NOC2L: variants seen among roughly 807,000 people sequenced by gnomAD.
NOC2L encodes nucleolar complex protein 2 homolog.
Under a neutral mutation model 94.2 loss-of-function variants are expected in NOC2L, and 101 were observed. The observed-to-expected ratio is 1.07, with a 90% CI of 0.91 to 1.26. The LOEUF is 1.26. NOC2L is among the 50% of genes most tolerant of loss of function. The pLI is 0.00. For synonymous variants in NOC2L, 531 were observed against 413.4 expected (o/e 1.28, Z -3.45); for missense variants, 1,076 against 980.1 (o/e 1.10, Z -1.31).
At chr1:954,348 CG>C (rs1444930669) in intron 6 of NOC2L, 4 of 439,342 alleles carry the variant, frequency 9.1e-6, no homozygotes, top group African/African-American at 4.0e-5. Context: ...TAAGAGTCCC[CG>C]GAAGTCCCAG....
chr1:947,584 C>G (rs994953360), intron 14 of NOC2L, among the ~76,000 whole-genome samples: 14 of 152,252 alleles, frequency 9.2e-5, no homozygotes, highest in African/African-American at 3.4e-4. Flanking sequence ...GCAAACAGAC[C>G]TCCCGTGGGG....
intron 14 of NOC2L, among the ~76,000 whole-genome samples, chr1:947,804 G>A (rs949695404): frequency 2.0e-5 from 3 of 152,214 alleles, no homozygotes; most frequent in African/African-American, 4.8e-5. Flanking sequence ...GGAAGTGTGC[G>A]ATCAGCGTAC....
At chr1:955,798 G>C in intron 6 of NOC2L, 125 bp downstream of exon 6, 1 of 838,644 alleles carries the variant, frequency 1.2e-6, no homozygotes, top group Non-Finnish European at 1.9e-6. Context: ...TGCCTTCTCA[G>C]GGTCCCCAAG....
At position 944,365 on chromosome 1, in the gene NOC2L, G is replaced by A. The variant is rs1198611888; in HGVS notation, c.*329C>T. ...TGCAGATGGACGAGGTCTGCAGACG[G>A]AGGGCAGAGGTGGTGGAAGGGGCCA... On this transcript the variant is annotated 3_prime_UTR_variant, in exon 19 of 19. Coordinates refer to ENST00000327044, the MANE Select transcript of NOC2L (RefSeq NM_015658.4). The A allele has an allele frequency of 6.6e-6, 9 of 1,359,644 alleles. No homozygotes were observed. Among genetic ancestry groups the A allele is most frequent in the East Asian group, 5.7e-5 (2 of 35,110 alleles). The allele number at this position is 1,359,644 out of a possible 1,614,324, so 84.2% of individuals were successfully genotyped here.
In NOC2L at chr1:946,427, A is replaced by C. The variant is rs746597529; in HGVS notation, c.1778T>G (p.Phe593Cys). The C allele has an allele frequency of 6.2e-7, 1 of 1,613,494 alleles. No homozygotes were observed. The highest frequency in any genetic ancestry group is 8.5e-7 in the Non-Finnish European group (1 of 1,180,014). ...YICSRRQRVS[F>C]GVSEQQAVEA... ...CACTGCCTGCTGCTCAGAGACGCCG[A>C]AGGAAACCCTCTGGCGGCGGCTGCA... The change falls in exon 15 of 19, where the codon TTC becomes TGC. Residue 593 changes from phenylalanine to cysteine, a missense_variant. Phe to Cys is a radical substitution (Grantham distance 205). Around this residue, in one of 3 missense-constraint regions of NOC2L, gnomAD observed 615 missense variants for 577.4 expected, o/e 1.07. Transcript: ENST00000327044.
rs1642164873 is a variant in NOC2L at position 948,073 on chromosome 1, CAAGCCCGT to C, written c.1659+50_1659+57del. 3.5e-6 allele frequency: 5 copies of C among 1,412,678 alleles called. No homozygotes were observed. In the South Asian group the frequency reaches 6.3e-5, roughly 18 times the overall value. The allele number at this position is 1,412,678 out of a possible 1,614,324, so 87.5% of individuals were successfully genotyped here. On this transcript the variant is annotated intron_variant, in intron 14 of 18. Coordinates refer to ENST00000327044, the MANE Select transcript of NOC2L (RefSeq NM_015658.4). The stretch of plus-strand genomic sequence containing the variant: ...GCACCTCCTACCAGCCTGGGGCAGC[CAAGCCCGT>C]TATAAGACAGTCTGAGTCGGCCACG...
At chr1:948,064 T>C in intron 14 of NOC2L, 67 bp downstream of exon 14, 12 of 1,319,118 alleles carry the variant, frequency 9.1e-6, no homozygotes, top group Non-Finnish European at 1.3e-5. Context: ...CCTACCAGCC[T>C]GGGGCAGCCA....
rs771187906 is a variant in NOC2L at position 956,148 on chromosome 1, C to T, written c.554G>A (p.Arg185Gln). ...QAFRAAVATT[R>Q]GDQESAEANK... ...GGCCTCAGCACTTTCCTGGTCCCCT[C>T]GGGTGGTGGCCACAGCTGCTCGGAA... Residue 185 changes from arginine to glutamine, a missense_variant, in exon 5 of 19, where the codon CGA becomes CAA. Arg to Gln is a conservative substitution (Grantham distance 43). Coordinates refer to ENST00000327044, the MANE Select transcript of NOC2L (RefSeq NM_015658.4). 6 of 1,613,858 alleles carry T rather than the reference C, an allele frequency of 3.7e-6. No homozygotes were observed. The highest frequency in any genetic ancestry group is 5.1e-6 in the Non-Finnish European group (6 of 1,180,032).
chr1:944,435 GC>G lies in NOC2L; in HGVS notation c.*258del. The G allele has an allele frequency of 9.9e-7, 1 of 1,013,080 alleles. No homozygotes were observed. Among genetic ancestry groups the G allele is most frequent in the East Asian group, 3.0e-5 (1 of 32,964 alleles). 62.8% of individuals were successfully genotyped at this position (1,013,080 alleles called of 1,614,324 possible). A position where few individuals can be genotyped will look rare whatever the true frequency, so the allele number is the denominator to read the frequency against. On this transcript the variant is annotated 3_prime_UTR_variant, in exon 19 of 19. Transcript: ENST00000327044. ...CTGGAACTGGGACTGGTCTCGGTCT[GC>G]TGACGTCAGGGTCAGCTCCCCCGCG... is the stretch of plus-strand genomic sequence containing the variant.
rs891229923 is a variant in NOC2L at position 946,245 on chromosome 1, C to T, written c.1845G>A (p.Leu615=). The T allele has an allele frequency of 6.2e-7, 1 of 1,613,742 alleles. No individual in the cohort carries two copies. The highest frequency in any genetic ancestry group is 8.5e-7 in the Non-Finnish European group (1 of 1,179,924). ...TGCGCCAGTGGCTGTAGTACAAGGT[C>T]AGGGGTGTCCCCTCTTCCCGGGTCA... ...EKLTREEGTP[L]TLYYSHWRKL... is the part of the protein sequence containing the mutation. Residue 615 remains leucine (L), a synonymous_variant, in exon 16 of 19, where the codon CTG becomes CTA. Coordinates refer to ENST00000327044, the MANE Select transcript of NOC2L (RefSeq NM_015658.4).
intron 18 of NOC2L, 61 bp from the exon 19 acceptor site, chr1:944,861 G>A: frequency 6.2e-6 from 8 of 1,298,968 alleles, no homozygotes; most frequent in South Asian, 2.6e-5. Flanking sequence ...CAGCCTTAGA[G>A]GTTACTCATC....
intron 6 of NOC2L, 48 bp downstream of exon 6, chr1:955,875 T>A: frequency 6.7e-7 from 1 of 1,494,902 alleles, no homozygotes; most frequent in Non-Finnish European, 9.3e-7. Flanking sequence ...CTGTGTGTGG[T>A]CCCGACCCAC....
chr1:949,623 A>G (rs1357431673), intron 12 of NOC2L, among the ~76,000 whole-genome samples: 1 of 152,236 alleles, frequency 6.6e-6, no homozygotes, highest in East Asian at 1.9e-4. Flanking sequence ...GTGAAGAAAC[A>G]GACACTGCAA....
chr1:946,123 G>T, intron 16 of NOC2L, 50 bp downstream of exon 16: 1 of 1,366,472 alleles, frequency 7.3e-7, no homozygotes. Context: ...CGCTAGATCT[G>T]AAACCCAGGA....
At position 946,499 on chromosome 1, in the gene NOC2L, T is replaced by G; in HGVS notation, c.1706A>C (p.Gln569Pro). 2 of 1,613,244 alleles carry G rather than the reference T, an allele frequency of 1.2e-6. No individual in the cohort carries two copies. The highest frequency in any genetic ancestry group is 1.7e-6 in the Non-Finnish European group (2 of 1,179,956). Reference sequence around the variant, plus strand: ...AACCTTCCCAAGCAGCTGCTGCACCTGCCGGCAGTAGTTGGCCACCTTGCA... The same window carrying G: ...AACCTTCCCAAGCAGCTGCTGCACCGGCCGGCAGTAGTTGGCCACCTTGCA... ...RECKVANYCR[Q>P]VQQLLGKVQE... is the part of the protein sequence containing the mutation. The change falls in exon 15 of 19, where the codon CAG (glutamine) becomes CCG (proline). Residue 569 changes from glutamine to proline, a missense_variant. Gln to Pro is a moderately conservative substitution (Grantham distance 76). Transcript: ENST00000327044.
chr1:947,524 C>A (rs2100379900), intron 14 of NOC2L, among the ~76,000 whole-genome samples: 1 of 152,366 alleles, frequency 6.6e-6, no homozygotes, highest in East Asian at 1.9e-4. Flanking sequence ...GGCCCCCACC[C>A]CTTCCACTAG....
intron 6 of NOC2L, 33 bp from the exon 7 acceptor site, chr1:954,115 G>A: frequency 1.2e-6 from 2 of 1,605,732 alleles, no homozygotes; most frequent in Non-Finnish European, 1.7e-6. Flanking sequence ...TGGCTGGGAG[G>A]CCCCACGGCT....
In NOC2L at chr1:952,610, G is replaced by A. The variant is rs766362250; in HGVS notation, c.1003-10C>T. ...ACGTGATGTACATTTGCTGCGGAGA[G>A]ACCCGGGTCAGAGCCACCTGGGATC... On this transcript the variant is annotated splice_polypyrimidine_tract_variant and intron_variant, in intron 9 of 18. Transcript: ENST00000327044. 8.7e-6 allele frequency: 14 copies of A among 1,613,234 alleles called. No individual in the cohort carries two copies. In the African/African-American group the frequency reaches 1.6e-4, roughly 18 times the overall value.
In NOC2L at chr1:953,890, C is replaced by A; in HGVS notation, c.780G>T (p.Leu260=). Residue 260 remains leucine, a splice_region_variant and synonymous_variant, in exon 8 of 19, where the codon CTG becomes CTT. Coordinates refer to ENST00000327044, the MANE Select transcript of NOC2L (RefSeq NM_015658.4). ...IKAYLGSAIQ[L]VSCLSETTVL... Reference sequence around the variant, plus strand: ...CCGTCGTCTCCGACAGACAGGACACCAGCTGGGGGCAGGAGGGGACAGTGA... The same window carrying A: ...CCGTCGTCTCCGACAGACAGGACACAAGCTGGGGGCAGGAGGGGACAGTGA... 6.2e-7 allele frequency: 1 copy of A among 1,613,024 alleles called. No individual in the cohort carries two copies. The highest frequency in any genetic ancestry group is 8.5e-7 in the Non-Finnish European group (1 of 1,179,834).
Sources: gnomAD v4.1 joint callset for allele counts (sites outside exome capture counted in the v4.1 genomes callset) on GRCh38, gnomAD v4.1.1 for gene constraint, gnomAD v4.1.1 regional missense constraint, MANE v1.5 for transcripts, NCBI Gene and HGNC (gene_info 2026-07-23, HGNC 2026-07-21) for gene names.